The following EPHA6 variants were observed in gnomAD, a reference collection of about 807,000 sequenced individuals.
EPHA6 encodes the protein EPH receptor A6, also known as ephrin type-A receptor 6.
A neutral mutation model predicts 112.0 loss-of-function variants in EPHA6; 50 were observed. That is an observed-to-expected ratio of 0.45 (90% CI 0.36 to 0.56). The LOEUF (loss-of-function observed/expected upper bound fraction) is 0.56, where lower values mean the gene tolerates loss of function less well. Among genes scored for constraint, EPHA6 ranks in the 20% least tolerant of loss-of-function variants. EPHA6 has a pLI of 0.00. For synonymous variants in EPHA6, 529 were observed against 490.7 expected (o/e 1.08, Z -1.03); for missense variants, 1,280 against 1,417.4 (o/e 0.90, Z 1.56).
intron 2 of EPHA6, among the ~76,000 whole-genome samples, chr3:96,913,890 C>G (rs572986676): frequency 6.6e-6 from 1 of 152,132 alleles, no homozygotes; most frequent in Non-Finnish European, 1.5e-5. Context: ...GAGGGCCTAT[C>G]TGTGCCAAGA....
chr3:97,683,874 C>G (rs573031483), intron 14 of EPHA6, among the ~76,000 whole-genome samples: 16 of 152,296 alleles, frequency 1.1e-4, no homozygotes, highest in Admixed American at 1.0e-3. Flanking sequence ...GTCCCAGAAG[C>G]ACCCCAGCTG....
chr3:96,973,222 C>T (rs912457405), intron 2 of EPHA6, among the ~76,000 whole-genome samples: 1 of 152,110 alleles, frequency 6.6e-6, no homozygotes, highest in Non-Finnish European at 1.5e-5. Context: ...AATTATTACT[C>T]ATAGCTATTC....
At chr3:97,449,880 C>A (rs75227363) in intron 7 of EPHA6, among the ~76,000 whole-genome samples, 4,262 of 152,086 alleles carry the variant, frequency 0.028, 190 homozygotes, top group African/African-American at 0.095. Flanking sequence ...ACTTGGGTTT[C>A]AGATTCTATG....
rs769523040 is a variant in EPHA6 at position 97,759,208 on chromosome 3, T to A, written c.*10507T>A. On this transcript the variant is annotated 3_prime_UTR_variant, in exon 18 of 18. Transcript: ENST00000389672. ...TAGAACAAAGACATGTCCATGGGAA[T>A]TAGCAACATGGAAGTTGTTGTTGTT... Among the ~76,000 whole-genome samples the A allele has an allele frequency of 3.3e-5, 5 of 151,982 alleles. No individual in the cohort carries two copies. Among genetic ancestry groups the A allele is most frequent in the Non-Finnish European group, 4.4e-5 (3 of 67,886 alleles).
At chr3:97,624,332 G>A (rs528407414) in intron 13 of EPHA6, among the ~76,000 whole-genome samples, 25 of 151,270 alleles carry the variant, frequency 1.7e-4, no homozygotes, top group Non-Finnish European at 2.7e-4. Context: ...AGTTAATGTG[G>A]TGTGTTACAT....
intron 5 of EPHA6, among the ~76,000 whole-genome samples, chr3:97,339,720 A>G (rs1294163785): frequency 6.6e-6 from 1 of 152,206 alleles, no homozygotes; most frequent in East Asian, 1.9e-4. Flanking sequence ...AGCCTAGGCC[A>G]CCAAGCAGTA....
intron 3 of EPHA6, among the ~76,000 whole-genome samples, chr3:97,109,203 T>C (rs953253940): frequency 4.6e-5 from 7 of 152,196 alleles, no homozygotes; most frequent in African/African-American, 1.7e-4. Flanking sequence ...AACTATGCAA[T>C]AATCACTTTC....
chr3:97,481,133 G>A (rs1027779392), intron 9 of EPHA6: 37 of 653,566 alleles, frequency 5.7e-5, no homozygotes, highest in Non-Finnish European at 1.0e-4. Context: ...GTGGCTGGGA[G>A]GTGGAGGTTG....
chr3:97,088,940 GCATCTTTCTAAGGGCAGCATT>G (rs2046985040), intron 3 of EPHA6, among the ~76,000 whole-genome samples: 1 of 152,100 alleles, frequency 6.6e-6, no homozygotes. Context: ...TGGGAAAAGA[GCATCTTTCTAAGGGCAGCATT>G]CAGTATGTTT....
intron 11 of EPHA6, among the ~76,000 whole-genome samples, chr3:97,538,981 CTCTTTCTT>C (rs796705721): frequency 0.035 from 4,596 of 130,188 alleles, 92 homozygotes; most frequent in African/African-American, 0.067. Flanking sequence ...CACTTTCTCT[CTCTTTCTT>C]TCTTTCTTTC....
At chr3:97,622,781 T>A (rs2093824191) in intron 13 of EPHA6, among the ~76,000 whole-genome samples, 1 of 151,808 alleles carries the variant, frequency 6.6e-6, no homozygotes, top group South Asian at 2.1e-4. Flanking sequence ...TTGTTTTATG[T>A]TTGTTGTTAT....
chr3:97,721,789 G>A lies in EPHA6; in HGVS notation c.2934+1379G>A, dbSNP rs141344695. ...CTTCCCTGCCATTGGGCTTTGTTTG[G>A]GGCAGTTCCTGGCTGCTTTTCCAGT... On this transcript the variant is annotated intron_variant, in intron 15 of 17. Transcript: ENST00000389672. 1.2e-3 allele frequency among the ~76,000 whole-genome samples: 190 copies of A among 152,240 alleles called. 1 individual carries two copies. The highest frequency in any genetic ancestry group is 4.2e-3 in the African/African-American group (175 of 41,546).
chr3:97,288,896 C>A (rs2080574668), intron 5 of EPHA6, among the ~76,000 whole-genome samples: 1 of 143,668 alleles, frequency 7.0e-6, no homozygotes, highest in South Asian at 2.1e-4. Context: ...AGTGTCTGTC[C>A]ATATCTTTTG....
At chr3:97,061,534 A>G (rs934640221) in intron 3 of EPHA6, among the ~76,000 whole-genome samples, 1 of 152,334 alleles carries the variant, frequency 6.6e-6, no homozygotes, top group Admixed American at 6.5e-5. Context: ...ATTGGAAATC[A>G]TAGAAAACAA....
intron 5 of EPHA6, among the ~76,000 whole-genome samples, chr3:97,362,518 AAT>A (rs1363534016): frequency 6.6e-6 from 1 of 152,058 alleles, no homozygotes; most frequent in East Asian, 1.9e-4. Flanking sequence ...GACAAATAGT[AAT>A]TTAAGAATGT....
Position 97,638,162 on chromosome 3 carries a change from C to T in EPHA6, c.2784+80C>T, listed in dbSNP as rs1046166639. 1.1e-5 allele frequency: 11 copies of T among 1,027,854 alleles called. No homozygotes were observed. The East Asian group carries it at 1.8e-4, about 17-fold the overall frequency. The allele number at this position is 1,027,854 out of a possible 1,614,324, so 63.7% of individuals were successfully genotyped here. On this transcript the variant is annotated intron_variant, in intron 14 of 17. Transcript: ENST00000389672. ...GTCATTAGAGTAATTCTGTTTCTGC[C>T]TTCCTAATTTTCTGCTTGTATTTAT...
intron 3 of EPHA6, among the ~76,000 whole-genome samples, chr3:97,134,343 T>C (rs192318290): frequency 5.1e-4 from 78 of 152,244 alleles, no homozygotes; most frequent in African/African-American, 1.8e-3. Flanking sequence ...GTGAGAATCA[T>C]ACAGGGAGCC....
intron 1 of EPHA6, among the ~76,000 whole-genome samples, chr3:96,818,535 A>G (rs185714069): frequency 0.015 from 2,219 of 152,102 alleles, 26 homozygotes; most frequent in South Asian, 0.053. Flanking sequence ...AATTTGAGCG[A>G]ATCAACTGCA....
Position 97,169,363 on chromosome 3 carries a change from T to C in EPHA6, c.1115-56901T>C, listed in dbSNP as rs182829483. On this transcript the variant is annotated intron_variant, in intron 3 of 17. Coordinates refer to ENST00000389672, the MANE Select transcript of EPHA6 (RefSeq NM_001080448.3). ...CAGGTTCTCCACTTTGATTTCCTGT[T>C]CAATCTGGAATACACATTCATTCAG... Among the ~76,000 whole-genome samples the C allele has an allele frequency of 4.6e-3, 704 of 152,290 alleles. 6 individuals carry two copies. Among genetic ancestry groups the C allele is most frequent in the African/African-American group, 0.015 (630 of 41,556 alleles).
Sources: gnomAD v4.1 joint callset for allele counts (sites outside exome capture counted in the v4.1 genomes callset) on GRCh38, gnomAD v4.1.1 for gene constraint, MANE v1.5 for transcripts, NCBI Gene and HGNC (gene_info 2026-07-23, HGNC 2026-07-21) for gene names.